Variants in FGD4 observed in about 807,000 individuals in gnomAD.
FGD4 encodes the protein FYVE, RhoGEF and PH domain-containing protein 4.
Under a neutral mutation model 102.0 loss-of-function variants are expected in FGD4, and 42 were observed. The ratio of observed to expected loss-of-function variants is 0.41; its 90% CI spans 0.32 to 0.53. The LOEUF (loss-of-function observed/expected upper bound fraction) is 0.53, where lower values mean the gene tolerates loss of function less well. FGD4 is among the 20% of genes least tolerant of loss of function. The pLI is 0.21. For synonymous variants in FGD4, 380 were observed against 375.7 expected (o/e 1.01, Z -0.13); for missense variants, 902 against 1,078.2 (o/e 0.84, Z 2.29).
At chr12:32,421,707 A>G (rs1282736368) in intron 1 of FGD4, among the ~76,000 whole-genome samples, 2 of 152,120 alleles carry the variant, frequency 1.3e-5, no homozygotes, top group African/African-American at 4.8e-5. Context: ...CTGTTGCCTT[A>G]CCAGTCACAT....
chr12:32,444,154 G>A (rs972093717), intron 1 of FGD4, among the ~76,000 whole-genome samples: 3 of 150,638 alleles, frequency 2.0e-5, no homozygotes, highest in African/African-American at 7.3e-5. Context: ...CTCCCAAGAA[G>A]CTGGAACTAC....
intron 10 of FGD4, among the ~76,000 whole-genome samples, chr12:32,618,932 G>C (rs1279943244): frequency 1.3e-5 from 2 of 152,202 alleles, no homozygotes; most frequent in African/African-American, 4.8e-5. Flanking sequence ...CTGGGTGATA[G>C]AGTGAGACCC....
intron 7 of FGD4, 40 bp from the exon 8 acceptor site, chr12:32,607,917 T>C: frequency 6.2e-7 from 1 of 1,613,366 alleles, no homozygotes; most frequent in Non-Finnish European, 8.5e-7. Context: ...CTTGCTAACC[T>C]AATTTTTAAA....
intron 6 of FGD4, 95 bp from the exon 7 acceptor site, chr12:32,602,066 G>T: frequency 8.8e-7 from 1 of 1,133,260 alleles, no homozygotes; most frequent in Non-Finnish European, 1.3e-6. Flanking sequence ...AGTGAGCTGT[G>T]ATAATGCCAC....
chr12:32,450,238 A>G (rs1237611401), intron 1 of FGD4, among the ~76,000 whole-genome samples: 1 of 151,550 alleles, frequency 6.6e-6, no homozygotes, highest in Non-Finnish European at 1.5e-5. Context: ...GCCTATTTTT[A>G]TTTTTTAAAT....
At chr12:32,410,457 C>T (rs571680480) in intron 1 of FGD4, among the ~76,000 whole-genome samples, 1 of 151,954 alleles carries the variant, frequency 6.6e-6, no homozygotes, top group African/African-American at 2.4e-5. Context: ...TGTATTCCAG[C>T]CTGGGCAATG....
intron 1 of FGD4, among the ~76,000 whole-genome samples, chr12:32,545,069 A>G (rs1384909569): frequency 6.6e-6 from 1 of 152,184 alleles, no homozygotes; most frequent in African/African-American, 2.4e-5. Flanking sequence ...GAGAAGCATG[A>G]TTTTTTAGAG....
Position 32,421,740 on chromosome 12 carries a change from C to T in FGD4, c.166+21781C>T, listed in dbSNP as rs376842670. ...CATATGTGGTGCTGTCTCTAGTGGG[C>T]TTTGCTTTAAAAGCAAAAAACAAAA... On this transcript the variant is annotated intron_variant, in intron 1 of 16. Transcript: ENST00000534526. Among the ~76,000 whole-genome samples the T allele has an allele frequency of 1.1e-4, 16 of 152,236 alleles. No homozygotes were observed. In the East Asian group the frequency reaches 1.3e-3, roughly 13 times the overall value.
intron 1 of FGD4, chr12:32,511,361 G>A (rs1939347358): frequency 6.6e-6 from 1 of 152,428 alleles, no homozygotes; most frequent in African/African-American, 2.4e-5. Flanking sequence ...GCCCAGGCTG[G>A]AGTGCAGTGG....
intron 1 of FGD4, chr12:32,534,241 G>A: frequency 1.6e-6 from 2 of 1,212,464 alleles, no homozygotes; most frequent in Non-Finnish European, 1.0e-6. Flanking sequence ...ATGTACTGCA[G>A]CAGTCCGTCC....
intron 1 of FGD4, among the ~76,000 whole-genome samples, chr12:32,536,707 G>T (rs1440898121): frequency 6.6e-6 from 1 of 152,146 alleles, no homozygotes; most frequent in Non-Finnish European, 1.5e-5. Context: ...CTTAGGAGAA[G>T]AAAAATAGTG....
intron 1 of FGD4, among the ~76,000 whole-genome samples, chr12:32,453,219 T>TTTTTTTTTTTTTTTA (rs1942847445): frequency 9.1e-6 from 1 of 109,824 alleles, no homozygotes; most frequent in South Asian, 3.1e-4. Context: ...TATATATATA[T>TTTTTTTTTTTTTTTA]AATATAGATA....
At chr12:32,499,453 G>C (rs1938027615) in intron 1 of FGD4, among the ~76,000 whole-genome samples, 1 of 152,096 alleles carries the variant, frequency 6.6e-6, no homozygotes, top group Non-Finnish European at 1.5e-5. Flanking sequence ...TATTTTTCTT[G>C]TCTGAGTCAT....
chr12:32,437,786 C>T (rs1942285578), intron 1 of FGD4, among the ~76,000 whole-genome samples: 1 of 152,192 alleles, frequency 6.6e-6, no homozygotes, highest in Non-Finnish European at 1.5e-5. Flanking sequence ...GCATACCACA[C>T]AATACCACTG....
intron 5 of FGD4, among the ~76,000 whole-genome samples, chr12:32,599,221 G>A (rs61926188): frequency 0.034 from 5,091 of 151,784 alleles, 150 homozygotes; most frequent in African/African-American, 0.081. Context: ...TGGGCTGGGC[G>A]CGGTGGCTCA....
chr12:32,575,048 T>C (rs1946016026), intron 2 of FGD4, among the ~76,000 whole-genome samples: 1 of 152,170 alleles, frequency 6.6e-6, no homozygotes, highest in East Asian at 1.9e-4. Context: ...GGCATATTAT[T>C]TTATCATCTA....
chr12:32,523,957 G>C (rs938390531), intron 1 of FGD4, among the ~76,000 whole-genome samples: 1 of 152,100 alleles, frequency 6.6e-6, no homozygotes, highest in Non-Finnish European at 1.5e-5. Flanking sequence ...CAGCCTGGGC[G>C]ACAGAGCAAG....
At chr12:32,439,199 A>C (rs1257851905) in intron 1 of FGD4, among the ~76,000 whole-genome samples, 1 of 152,216 alleles carries the variant, frequency 6.6e-6, no homozygotes, top group South Asian at 2.1e-4. Flanking sequence ...TACAGATTCC[A>C]CATATAGTTG....
intron 10 of FGD4, among the ~76,000 whole-genome samples, chr12:32,615,871 A>G (rs1410124383): frequency 6.6e-6 from 1 of 152,040 alleles, no homozygotes; most frequent in Non-Finnish European, 1.5e-5. Flanking sequence ...GCAGGAGAAT[A>G]GTGTCCCAGA....
Sources: allele counts gnomAD v4.1 joint callset (sites outside exome capture counted in the v4.1 genomes callset), GRCh38; gene constraint gnomAD v4.1.1; transcripts MANE v1.5; gene names NCBI Gene and HGNC (gene_info 2026-07-23, HGNC 2026-07-21).